PXN: variants seen among roughly 807,000 people sequenced by gnomAD.
PXN encodes testicular tissue protein Li 134.
Under a neutral mutation model 103.6 loss-of-function variants are expected in PXN, and 61 were observed. The ratio of observed to expected loss-of-function variants is 0.59; its 90% CI spans 0.48 to 0.73. PXN has a LOEUF of 0.73. Ranked by LOEUF, PXN falls within the 30% of genes least tolerant of loss-of-function variation. PXN has a pLI of 0.00. For missense variants in PXN, 1,274 were observed against 1,460.3 expected, an observed-to-expected ratio of 0.87 and a Z score of 2.08; for synonymous variants, 562 against 607.8, an observed-to-expected ratio of 0.92 and a Z score of 1.11.
In PXN at chr12:120,212,685, T is replaced by C; in HGVS notation, c.2980-105A>G. 7.4e-7 allele frequency: 1 copy of C among 1,354,910 alleles called. No homozygotes were observed. The highest frequency in any genetic ancestry group is 1.0e-6 in the Non-Finnish European group (1 of 992,416). 83.9% of individuals were successfully genotyped at this position (1,354,910 alleles called of 1,614,324 possible). A position where few individuals can be genotyped will look rare whatever the true frequency, so the allele number is the denominator to read the frequency against. On this transcript the variant is annotated intron_variant, in intron 14 of 14. Coordinates refer to ENST00000637617, the MANE Select transcript of PXN (RefSeq NM_001385981.1). This position sits in a 1 kb window ranked among gnomAD's most constrained non-coding sequence, Gnocchi z 7.2. ...TAGTCGGCACGCTCGGAGTGACTCCTACTTGCTAGGCGTTTCCCATGTGCC... is the reference window on the plus strand; with the variant it reads ...TAGTCGGCACGCTCGGAGTGACTCCCACTTGCTAGGCGTTTCCCATGTGCC...
rs557001461 is a variant in PXN, at chr12:120,216,060, C to T, written c.2301+213G>A. ...CGAGGAAGGAGCAGACATGGGTGGA[C>T]CCACAGAAAAGCAAGAGGGCAGCGG... On this transcript the variant is annotated intron_variant, in intron 9 of 14. Coordinates refer to ENST00000637617, the MANE Select transcript of PXN (RefSeq NM_001385981.1). This position sits in a 1 kb window ranked among gnomAD's most constrained non-coding sequence, Gnocchi z 5.1. 2.3e-6 allele frequency: 3 copies of T among 1,313,118 alleles called. No individual in the cohort carries two copies. The highest frequency in any genetic ancestry group is 2.6e-5 in the South Asian group (1 of 39,076). 81.3% of individuals were successfully genotyped at this position (1,313,118 alleles called of 1,614,324 possible).
chr12:120,214,105 C>T lies in PXN; in HGVS notation c.2830+31G>A, dbSNP rs774009525. On this transcript the variant is annotated intron_variant, in intron 13 of 14. Coordinates refer to ENST00000637617, the MANE Select transcript of PXN (RefSeq NM_001385981.1). The surrounding 1 kb of genome is among the most constrained non-coding windows in gnomAD (Gnocchi z 5.0). ...CCACCTCCCCGGCCCTCCTAAGAGG[C>T]GGTGGGTCAGTCCGCCGGTCCAGCC... 39 of 1,555,526 alleles carry T rather than the reference C, an allele frequency of 2.5e-5. No individual in the cohort carries two copies. In the South Asian group the frequency reaches 2.7e-4, roughly 11 times the overall value.
Position 120,216,439 on chromosome 12 carries a change from G to A in PXN, c.2135C>T (p.Pro712Leu), listed in dbSNP as rs1328321362. 2.2e-6 allele frequency: 3 copies of A among 1,379,390 alleles called. No homozygotes were observed. The highest frequency in any genetic ancestry group is 2.7e-4 in the Middle Eastern group (1 of 3,764). 85.4% of individuals were successfully genotyped at this position (1,379,390 alleles called of 1,614,324 possible). ...SPLPSLLASS[P>L]LGPSAYTCGS... is the part of the protein sequence containing the mutation. ...ACAGGTATAAGCTGAGGGCCCCAGG[G>A]GGGAGGAGGCGAGCAGGCTGGGCAG... The change falls in exon 9 of 15, where the codon CCC becomes CTC. Residue 712 changes from proline to leucine, a missense_variant. By Grantham distance (98) the Pro-to-Leu change is moderately conservative. This residue lies in a region of PXN where 1,178 missense variants were observed against 1,309.0 expected (regional missense o/e 0.90). Coordinates refer to ENST00000637617, the MANE Select transcript of PXN (RefSeq NM_001385981.1). The surrounding 1 kb of genome is among the most constrained non-coding windows in gnomAD (Gnocchi z 5.1).
rs1883044288 is a variant in PXN, at chr12:120,216,475, C to G, written c.2099G>C (p.Ser700Thr). Residue 700 changes from serine (S) to threonine (T), a missense_variant, in exon 9 of 15, where the codon AGC becomes ACC. Coordinates refer to ENST00000637617, the MANE Select transcript of PXN (RefSeq NM_001385981.1). The surrounding 1 kb of genome is among the most constrained non-coding windows in gnomAD (Gnocchi z 5.1). ...LQHRTDAAAS[S>T]SSPLPSLLAS... The stretch of plus-strand genomic sequence containing the variant: ...GAGCAGGCTGGGCAGGGGAGAAGAG[C>G]TGCTGGCCGCGGCGTCTGTGCGATG... 7.2e-7 allele frequency: 1 copy of G among 1,385,760 alleles called. No individual in the cohort carries two copies. The highest frequency in any genetic ancestry group is 3.6e-5 in the Admixed American group (1 of 27,954). 85.8% of individuals were successfully genotyped at this position (1,385,760 alleles called of 1,614,324 possible).
intron 3 of PXN, 105 bp downstream of exon 3, chr12:120,223,613 C>G: frequency 1.2e-6 from 1 of 819,200 alleles, no homozygotes. Context: ...CCCACAAGGC[C>G]CAGTTGCTAT....
chr12:120,265,513 C>T lies in PXN; in HGVS notation c.13+104G>A. The T allele has an allele frequency of 7.6e-7, 1 of 1,315,250 alleles. No homozygotes were observed. Among genetic ancestry groups the T allele is most frequent in the South Asian group, 1.6e-5 (1 of 64,040 alleles). 81.5% of individuals were successfully genotyped at this position (1,315,250 alleles called of 1,614,324 possible). A position where few individuals can be genotyped will look rare whatever the true frequency, so the allele number is the denominator to read the frequency against. On this transcript the variant is annotated intron_variant, in intron 1 of 14. Transcript: ENST00000637617. This position sits in a 1 kb window ranked among gnomAD's most constrained non-coding sequence, Gnocchi z 5.7. ...GCAGGGACAGGAGCTGAGGCCGGGG[C>T]CGCCGAGGGTGGGATCCCGCGGCCC...
chr12:120,222,827 G>T lies in PXN; in HGVS notation c.493+36C>A. The T allele has an allele frequency of 6.2e-7, 1 of 1,609,832 alleles. No individual in the cohort carries two copies. On this transcript the variant is annotated intron_variant, in intron 4 of 14. Coordinates refer to ENST00000637617, the MANE Select transcript of PXN (RefSeq NM_001385981.1). This position sits in a 1 kb window ranked among gnomAD's most constrained non-coding sequence, Gnocchi z 4.7. Reference sequence around the variant, plus strand: ...CTAGAGGTCAGCAGATGGGCCCTGGGCCCTGGTAGACCCTGCCCCAGGGAC... The same window carrying T: ...CTAGAGGTCAGCAGATGGGCCCTGGTCCCTGGTAGACCCTGCCCCAGGGAC...
At position 120,216,420 on chromosome 12, in the gene PXN, A is replaced by G; in HGVS notation, c.2154T>C (p.Tyr718=). The change falls in exon 9 of 15, where the codon TAT becomes TAC. Residue 718 remains tyrosine (Y), a synonymous_variant. Transcript: ENST00000637617. The surrounding 1 kb of genome is among the most constrained non-coding windows in gnomAD (Gnocchi z 5.1). The part of the protein sequence containing the change: ...LASSPLGPSA[Y]TCGSSGVQSA... ...TCTGGACCCCAGAAGAACCACAGGT[A>G]TAAGCTGAGGGCCCCAGGGGGGAGG... The G allele has an allele frequency of 8.0e-6, 11 of 1,370,600 alleles. No individual in the cohort carries two copies. Among genetic ancestry groups the G allele is most frequent in the Non-Finnish European group, 1.0e-5 (11 of 1,070,726 alleles). 84.9% of individuals were successfully genotyped at this position (1,370,600 alleles called of 1,614,324 possible).
At position 120,216,051 on chromosome 12, in the gene PXN, A is replaced by G. The variant is rs1437023554; in HGVS notation, c.2301+222T>C. The stretch of plus-strand genomic sequence containing the variant: ...AGGACCAGTCGAGGAAGGAGCAGAC[A>G]TGGGTGGACCCACAGAAAAGCAAGA... On this transcript the variant is annotated intron_variant, in intron 9 of 14. Transcript: ENST00000637617. The surrounding 1 kb of genome is among the most constrained non-coding windows in gnomAD (Gnocchi z 5.1). The G allele has an allele frequency of 1.5e-6, 2 of 1,322,686 alleles. No homozygotes were observed. Among genetic ancestry groups the G allele is most frequent in the Admixed American group, 3.4e-5 (1 of 29,212 alleles). 81.9% of individuals were successfully genotyped at this position (1,322,686 alleles called of 1,614,324 possible).
Position 120,215,820 on chromosome 12 carries a change from A to G in PXN, c.2302-159T>C. 1 of 1,283,604 alleles carries G rather than the reference A, an allele frequency of 7.8e-7. No individual in the cohort carries two copies. Among genetic ancestry groups the G allele is most frequent in the Non-Finnish European group, 1.0e-6 (1 of 969,444 alleles). 79.5% of individuals were successfully genotyped at this position (1,283,604 alleles called of 1,614,324 possible). A position where few individuals can be genotyped will look rare whatever the true frequency, so the allele number is the denominator to read the frequency against. On this transcript the variant is annotated intron_variant, in intron 9 of 14. Coordinates refer to ENST00000637617, the MANE Select transcript of PXN (RefSeq NM_001385981.1). The surrounding 1 kb of genome is among the most constrained non-coding windows in gnomAD (Gnocchi z 4.9). ...TGGGGGAAAAAATCTGGAGAAAAAG[A>G]GCCCTGAGAGAGAGGCCTAGGGAGA...
chr12:120,243,807 T>C (rs964273051), intron 1 of PXN, among the ~76,000 whole-genome samples: 5 of 152,222 alleles, frequency 3.3e-5, no homozygotes, highest in Non-Finnish European at 5.9e-5. Context: ...CCCAAAGCAC[T>C]GTGCACTTCT....
At chr12:120,232,378 C>A (rs903884152) in intron 1 of PXN, among the ~76,000 whole-genome samples, 7 of 152,096 alleles carry the variant, frequency 4.6e-5, no homozygotes, top group Non-Finnish European at 8.8e-5. Context: ...ATCAGTGGGC[C>A]CTCCCTCCTC....
chr12:120,246,900 T>C (rs548717363), intron 1 of PXN, among the ~76,000 whole-genome samples: 1 of 150,762 alleles, frequency 6.6e-6, no homozygotes, highest in Non-Finnish European at 1.5e-5. Flanking sequence ...TGTTAGCATA[T>C]GCCTGTAATT....
In PXN at chr12:120,215,800, GA is replaced by G; in HGVS notation, c.2302-140del. 3 of 1,283,872 alleles carry G rather than the reference GA, an allele frequency of 2.3e-6. No homozygotes were observed. The highest frequency in any genetic ancestry group is 3.1e-6 in the Non-Finnish European group (3 of 974,556). 79.5% of individuals were successfully genotyped at this position (1,283,872 alleles called of 1,614,324 possible). A position where few individuals can be genotyped will look rare whatever the true frequency, so the allele number is the denominator to read the frequency against. ...CCCACCGGCAGGACCAAAATTGGGG[GA>G]AAAAATCTGGAGAAAAAGAGCCCTG... On this transcript the variant is annotated intron_variant, in intron 9 of 14. Transcript: ENST00000637617. The surrounding 1 kb of genome is among the most constrained non-coding windows in gnomAD (Gnocchi z 4.9).
At position 120,261,581 on chromosome 12, in the gene PXN, C is replaced by A. The variant is rs374751157; in HGVS notation, c.13+4036G>T. 5.2e-4 allele frequency among the ~76,000 whole-genome samples: 79 copies of A among 152,060 alleles called. 1 individual carries two copies. The South Asian group carries it at 0.016, about 30-fold the overall frequency. On this transcript the variant is annotated intron_variant, in intron 1 of 14. Coordinates refer to ENST00000637617, the MANE Select transcript of PXN (RefSeq NM_001385981.1). ...GGAAGTTTATTCAACATCTCTGGAG[C>A]GAGGTAAAGACGCAAGAGAAGCTTC...
In PXN at chr12:120,221,531, A is replaced by G; in HGVS notation, c.831+92T>C. 7.2e-7 allele frequency: 1 copy of G among 1,391,520 alleles called. No individual in the cohort carries two copies. The highest frequency in any genetic ancestry group is 9.7e-7 in the Non-Finnish European group (1 of 1,031,418). The allele number at this position is 1,391,520 out of a possible 1,614,324, so 86.2% of individuals were successfully genotyped here. A position where few individuals can be genotyped will look rare whatever the true frequency, so the allele number is the denominator to read the frequency against. ...AGGGGCAAGGCACCCAAACACTGAG[A>G]TGCCAAGATCCAGCTACCCACACTG... is the stretch of plus-strand genomic sequence containing the variant. On this transcript the variant is annotated intron_variant, in intron 6 of 14. Transcript: ENST00000637617. This position sits in a 1 kb window ranked among gnomAD's most constrained non-coding sequence, Gnocchi z 6.6.
At chr12:120,257,109 G>A (rs1041435480) in intron 1 of PXN, among the ~76,000 whole-genome samples, 10 of 152,072 alleles carry the variant, frequency 6.6e-5, no homozygotes, top group South Asian at 2.1e-4. Context: ...GAAGAGAATC[G>A]GCCTGAAGCT....
In PXN at chr12:120,212,380, C is replaced by T. The variant is rs1880451170; in HGVS notation, c.3180G>A (p.Lys1060=). Reference sequence around the variant, plus strand: ...TGTCGTTCTGCTCCTTGAAGGTGCCCTTGTTGAGCTGCTTGAGGCAGAAGG... The same window carrying T: ...TGTCGTTCTGCTCCTTGAAGGTGCCTTTGTTGAGCTGCTTGAGGCAGAAGG... The part of the protein sequence containing the change: ...VCAFCLKQLN[K]GTFKEQNDKP... Residue 1060 remains lysine, a synonymous_variant, in exon 15 of 15, where the codon AAG becomes AAA. Coordinates refer to ENST00000637617, the MANE Select transcript of PXN (RefSeq NM_001385981.1). The surrounding 1 kb of genome is among the most constrained non-coding windows in gnomAD (Gnocchi z 7.2). 3 of 1,613,964 alleles carry T rather than the reference C, an allele frequency of 1.9e-6. No individual in the cohort carries two copies. Among genetic ancestry groups the T allele is most frequent in the Non-Finnish European group, 1.7e-6 (2 of 1,179,890 alleles).
In PXN at chr12:120,223,880, G is replaced by T. The variant is rs980038259; in HGVS notation, c.241-47C>A. 6 of 1,414,836 alleles carry T rather than the reference G, an allele frequency of 4.2e-6. No individual in the cohort carries two copies. In the Admixed American group the frequency reaches 9.8e-5, roughly 23 times the overall value. 87.6% of individuals were successfully genotyped at this position (1,414,836 alleles called of 1,614,324 possible). On this transcript the variant is annotated intron_variant, in intron 2 of 14. Coordinates refer to ENST00000637617, the MANE Select transcript of PXN (RefSeq NM_001385981.1). ...GAGGCTACCCCGAGGGGAGAAAAAG[G>T]AACAGGGGCCAGGAGCAGCTCCAGT...
Sources: gnomAD v4.1 joint callset for allele counts (sites outside exome capture counted in the v4.1 genomes callset) on GRCh38, gnomAD v4.1.1 for gene constraint, gnomAD v4.1.1 regional missense constraint, Gnocchi (gnomAD v3.1) non-coding constraint, MANE v1.5 for transcripts, NCBI Gene and HGNC (gene_info 2026-07-23, HGNC 2026-07-21) for gene names.